TSPAN5: variants seen among roughly 807,000 people sequenced by gnomAD.
TSPAN5 encodes the protein tetraspanin 5.
A neutral mutation model predicts 37.1 loss-of-function variants in TSPAN5; 10 were observed. That is an observed-to-expected ratio of 0.27 (90% CI 0.17 to 0.46). The LOEUF (loss-of-function observed/expected upper bound fraction) is 0.46, where lower values mean the gene tolerates loss of function less well. Ranked by LOEUF, TSPAN5 falls within the 20% of genes least tolerant of loss-of-function variation. TSPAN5 has a pLI of 1.00. For missense variants in TSPAN5, 195 were observed against 326.6 expected, an observed-to-expected ratio of 0.60 and a Z score of 3.11; for synonymous variants, 110 against 118.9, an observed-to-expected ratio of 0.93 and a Z score of 0.48.
chr4:98,656,942 G>A (rs115872799), intron 1 of TSPAN5, among the ~76,000 whole-genome samples: 1,831 of 152,242 alleles, frequency 0.012, 37 homozygotes, highest in African/African-American at 0.041. Flanking sequence ...AATACATTCC[G>A]TGTTCAGACT....
intron 1 of TSPAN5, among the ~76,000 whole-genome samples, chr4:98,595,455 A>T (rs1450161319): frequency 2.7e-5 from 3 of 112,052 alleles, no homozygotes; most frequent in African/African-American, 8.7e-5. Context: ...CTCTGATTTT[A>T]GTTATTTCTT....
chr4:98,584,195 C>A (rs1755436233), intron 1 of TSPAN5, among the ~76,000 whole-genome samples: 1 of 152,184 alleles, frequency 6.6e-6, no homozygotes, highest in Non-Finnish European at 1.5e-5. Context: ...CCTGCCTCTG[C>A]CTCCTGAGTA....
At chr4:98,552,852 T>G (rs1401108268) in intron 1 of TSPAN5, among the ~76,000 whole-genome samples, 1 of 152,196 alleles carries the variant, frequency 6.6e-6, no homozygotes, top group Non-Finnish European at 1.5e-5. Flanking sequence ...GGATATATTT[T>G]TAGGTATATG....
intron 3 of TSPAN5, chr4:98,484,575 T>C (rs1752921018): frequency 2.2e-6 from 1 of 455,956 alleles, no homozygotes; most frequent in Non-Finnish European, 4.4e-6. Context: ...TTTCTGCCTG[T>C]TCAGTTAACA....
intron 1 of TSPAN5, among the ~76,000 whole-genome samples, chr4:98,533,194 C>T (rs150902610): frequency 0.011 from 1,613 of 152,234 alleles, 27 homozygotes; most frequent in African/African-American, 0.036. Flanking sequence ...CAGGATGATG[C>T]TAGCCTCATA....
intron 1 of TSPAN5, among the ~76,000 whole-genome samples, chr4:98,557,605 T>A (rs13141997): frequency 6.6e-6 from 1 of 151,982 alleles, no homozygotes; most frequent in Non-Finnish European, 1.5e-5. Context: ...TGCCCACAAC[T>A]GGGAAGGGCA....
At chr4:98,488,316 A>AC (rs1753017474) in intron 2 of TSPAN5, among the ~76,000 whole-genome samples, 1 of 152,318 alleles carries the variant, frequency 6.6e-6, no homozygotes, top group African/African-American at 2.4e-5. Flanking sequence ...GTAGGTAGGA[A>AC]CATTTGGAGA....
chr4:98,579,687 T>C (rs1755326415), intron 1 of TSPAN5, among the ~76,000 whole-genome samples: 1 of 152,228 alleles, frequency 6.6e-6, no homozygotes, highest in Non-Finnish European at 1.5e-5. Context: ...TCACTTCCCA[T>C]TACCAATCCT....
chr4:98,537,010 T>C (rs1754250556), intron 1 of TSPAN5, among the ~76,000 whole-genome samples: 1 of 152,102 alleles, frequency 6.6e-6, no homozygotes. Context: ...AGTGAATGGT[T>C]GTCTCGTTGG....
chr4:98,632,170 T>C (rs950726454), intron 1 of TSPAN5, among the ~76,000 whole-genome samples: 1 of 152,220 alleles, frequency 6.6e-6, no homozygotes, highest in African/African-American at 2.4e-5. Flanking sequence ...GTGTTCATTT[T>C]CCATTTCTGT....
At chr4:98,658,083 G>T in intron 1 of TSPAN5, 63 bp downstream of exon 1, 2 of 1,433,850 alleles carry the variant, frequency 1.4e-6, no homozygotes, top group Non-Finnish European at 2.0e-6. Context: ...CGAACAACGT[G>T]GGGGAAATCG....
At chr4:98,519,737 G>A (rs547720570) in intron 1 of TSPAN5, among the ~76,000 whole-genome samples, 1 of 152,328 alleles carries the variant, frequency 6.6e-6, no homozygotes, top group South Asian at 2.1e-4. Flanking sequence ...ACAGATGTCA[G>A]ACACTGATGT....
chr4:98,616,271 G>A (rs1350228263), intron 1 of TSPAN5, among the ~76,000 whole-genome samples: 1 of 151,978 alleles, frequency 6.6e-6, no homozygotes, highest in Admixed American at 6.6e-5. Flanking sequence ...GAGGTAAGAG[G>A]TGACCCCTTA....
chr4:98,480,457 G>A (rs533921679), intron 4 of TSPAN5, among the ~76,000 whole-genome samples: 7 of 152,248 alleles, frequency 4.6e-5, no homozygotes, highest in South Asian at 4.1e-4. Context: ...AAATGGGGCC[G>A]GAGTCAAAGG....
chr4:98,555,276 T>G (rs1453749427), intron 1 of TSPAN5, among the ~76,000 whole-genome samples: 1 of 152,202 alleles, frequency 6.6e-6, no homozygotes, highest in Non-Finnish European at 1.5e-5. Flanking sequence ...TACCACTCTC[T>G]CCAGTCACAC....
chr4:98,520,242 G>A (rs1051164359), intron 1 of TSPAN5, among the ~76,000 whole-genome samples: 3 of 152,190 alleles, frequency 2.0e-5, no homozygotes, highest in Admixed American at 1.3e-4. Context: ...GTAGGGGAAG[G>A]GGCCAGCTCT....
At chr4:98,528,650 G>T (rs1160561523) in intron 1 of TSPAN5, among the ~76,000 whole-genome samples, 2 of 152,034 alleles carry the variant, frequency 1.3e-5, no homozygotes, top group Admixed American at 6.5e-5. Flanking sequence ...ACTCTACAAA[G>T]CTCTCTTACT....
intron 1 of TSPAN5, among the ~76,000 whole-genome samples, chr4:98,620,211 C>T (rs942252204): frequency 2.0e-5 from 3 of 152,164 alleles, no homozygotes; most frequent in Non-Finnish European, 2.9e-5. Flanking sequence ...GCTTCTTTAG[C>T]TCACTCTTGG....
intron 1 of TSPAN5, among the ~76,000 whole-genome samples, chr4:98,601,792 C>G (rs572927501): frequency 6.6e-6 from 1 of 152,314 alleles, no homozygotes; most frequent in Admixed American, 6.5e-5. Context: ...TTTGGTCTAT[C>G]TCAGTTCTCA....
Sources: allele counts gnomAD v4.1 joint callset (sites outside exome capture counted in the v4.1 genomes callset), GRCh38; gene constraint gnomAD v4.1.1; transcripts MANE v1.5; gene names NCBI Gene and HGNC (gene_info 2026-07-23, HGNC 2026-07-21).